The following AIG1 variants were observed in gnomAD, a reference collection of about 807,000 sequenced individuals.
AIG1 encodes the protein androgen induced 1, also known as androgen-induced gene 1 protein.
AIG1 carries 23 observed loss-of-function variants against 31.4 expected under a neutral mutation model. The ratio of observed to expected loss-of-function variants is 0.73; its 90% CI spans 0.53 to 1.04. AIG1 has a LOEUF of 1.04. AIG1 is among the 50% of genes least tolerant of loss of function. The pLI, the probability that AIG1 is intolerant of heterozygous loss-of-function variation, is 0.00. For missense variants in AIG1, 274 were observed against 295.0 expected (o/e 0.93, Z 0.52); for synonymous variants, 100 against 110.5 (o/e 0.90, Z 0.60).
chr6:143,165,467 G>A (rs903449777), intron 3 of AIG1, among the ~76,000 whole-genome samples: 3 of 152,152 alleles, frequency 2.0e-5, no homozygotes, highest in African/African-American at 7.2e-5. Context: ...CCAATTCTGG[G>A]ATGAATTTAA....
At chr6:143,201,371 C>A (rs1278997418) in intron 3 of AIG1, among the ~76,000 whole-genome samples, 3 of 151,862 alleles carry the variant, frequency 2.0e-5, no homozygotes, top group Admixed American at 6.6e-5. Context: ...AAAAAAAAAT[C>A]TTAAAAATTA....
At chr6:143,101,725 G>A (rs934472200) in intron 1 of AIG1, among the ~76,000 whole-genome samples, 2 of 151,862 alleles carry the variant, frequency 1.3e-5, no homozygotes, top group African/African-American at 4.8e-5. Flanking sequence ...TCAGGTTATG[G>A]GTGCACCAAA....
intron 2 of AIG1, among the ~76,000 whole-genome samples, chr6:143,154,451 T>A (rs750040462): frequency 9.2e-5 from 14 of 151,812 alleles, no homozygotes; most frequent in Non-Finnish European, 1.9e-4. Context: ...GTGGGGAGGG[T>A]GTGACTATCA....
At chr6:143,115,653 A>G (rs189073362) in intron 1 of AIG1, among the ~76,000 whole-genome samples, 1 of 152,334 alleles carries the variant, frequency 6.6e-6, no homozygotes, top group East Asian at 1.9e-4. Context: ...TACGTATACT[A>G]TAGGACTTTT....
intron 1 of AIG1, among the ~76,000 whole-genome samples, chr6:143,081,050 C>T (rs1334507492): frequency 6.6e-6 from 1 of 152,144 alleles, no homozygotes; most frequent in African/African-American, 2.4e-5. Flanking sequence ...CTCAGTCAAG[C>T]ACAAGGTCAT....
At chr6:143,107,359 G>A (rs995165713) in intron 1 of AIG1, among the ~76,000 whole-genome samples, 1 of 152,044 alleles carries the variant, frequency 6.6e-6, no homozygotes, top group African/African-American at 2.4e-5. Flanking sequence ...GAATATAAGT[G>A]GACAATTTAT....
At chr6:143,107,974 A>G (rs1361203910) in intron 1 of AIG1, among the ~76,000 whole-genome samples, 2 of 152,128 alleles carry the variant, frequency 1.3e-5, no homozygotes, top group African/African-American at 4.8e-5. Context: ...CTGGAAACTG[A>G]TTTGCTTGAT....
chr6:143,202,308 TA>T (rs765928125), intron 3 of AIG1, among the ~76,000 whole-genome samples: 2 of 152,136 alleles, frequency 1.3e-5, no homozygotes, highest in African/African-American at 2.4e-5. Flanking sequence ...ATTCCTTTTT[TA>T]CTTCATGTCC....
intron 3 of AIG1, among the ~76,000 whole-genome samples, chr6:143,197,667 T>A (rs929892599): frequency 6.6e-6 from 1 of 152,184 alleles, no homozygotes; most frequent in Non-Finnish European, 1.5e-5. Flanking sequence ...CTCCCACAGA[T>A]CCTCTAGTCC....
chr6:143,242,124 G>C (rs1425877046), intron 3 of AIG1, among the ~76,000 whole-genome samples: 1 of 152,154 alleles, frequency 6.6e-6, no homozygotes, highest in Non-Finnish European at 1.5e-5. Flanking sequence ...GTAGGGAGAA[G>C]GGCTTAGAAT....
In AIG1 at chr6:143,327,249, T is replaced by G. The variant is rs549879591; in HGVS notation, c.516-6033T>G. ...AATGGATTGGACAATCGCTACACTC[T>G]TCCTTTCCAACTTGGGCCTGGCAGA... On this transcript the variant is annotated intron_variant, in intron 4 of 5. Coordinates refer to ENST00000357847, the MANE Select transcript of AIG1 (RefSeq NM_016108.4). The surrounding 1 kb of genome is among the most constrained non-coding windows in gnomAD (Gnocchi z 5.3). The G allele has an allele frequency of 1.4e-5, 3 of 209,042 alleles. No homozygotes were observed. In the South Asian group the frequency reaches 2.4e-4, roughly 17 times the overall value. The allele number at this position is 209,042 out of a possible 1,614,324, so 12.9% of individuals were successfully genotyped here. A position where few individuals can be genotyped will look rare whatever the true frequency, so the allele number is the denominator to read the frequency against.
chr6:143,155,950 A>G (rs979435939), intron 2 of AIG1, among the ~76,000 whole-genome samples: 1 of 152,176 alleles, frequency 6.6e-6, no homozygotes, highest in Non-Finnish European at 1.5e-5. Flanking sequence ...GTTAAAGAGA[A>G]CTGAAACCAG....
chr6:143,100,196 G>A (rs1173596776), intron 1 of AIG1, among the ~76,000 whole-genome samples: 1 of 152,160 alleles, frequency 6.6e-6, no homozygotes, highest in Admixed American at 6.5e-5. Context: ...TTCTTCCAAT[G>A]TCAGTGTTTC....
intron 1 of AIG1, among the ~76,000 whole-genome samples, chr6:143,072,665 C>A (rs1274767968): frequency 6.6e-6 from 1 of 151,966 alleles, no homozygotes; most frequent in African/African-American, 2.4e-5. Context: ...AAAAAAACTA[C>A]AAATGGATGT....
intron 1 of AIG1, among the ~76,000 whole-genome samples, chr6:143,091,285 A>G (rs972713889): frequency 1.3e-5 from 2 of 152,162 alleles, no homozygotes; most frequent in African/African-American, 4.8e-5. Flanking sequence ...TAATGTTGAC[A>G]TTTTGACTTC....
intron 2 of AIG1, among the ~76,000 whole-genome samples, chr6:143,149,753 G>GA (rs1466059109): frequency 3.3e-5 from 5 of 152,126 alleles, no homozygotes; most frequent in Non-Finnish European, 7.4e-5. Flanking sequence ...GACAAGAAAA[G>GA]AAAATCTTTC....
At chr6:143,183,843 G>A (rs566698840) in intron 3 of AIG1, among the ~76,000 whole-genome samples, 1 of 152,168 alleles carries the variant, frequency 6.6e-6, no homozygotes, top group Non-Finnish European at 1.5e-5. Context: ...GTGGAAGGCA[G>A]GAAGGTACTG....
At chr6:143,174,083 A>G (rs1318769849) in intron 3 of AIG1, among the ~76,000 whole-genome samples, 1 of 152,162 alleles carries the variant, frequency 6.6e-6, no homozygotes. Flanking sequence ...TTAGATACAT[A>G]TATATTTAGG....
chr6:143,061,644 G>C (rs1178987102), intron 1 of AIG1: 2 of 262,952 alleles, frequency 7.6e-6, no homozygotes, highest in African/African-American at 2.2e-5. Flanking sequence ...CCTTTACCCC[G>C]TACATATTAG....
Sources: allele counts gnomAD v4.1 joint callset (sites outside exome capture counted in the v4.1 genomes callset), GRCh38; gene constraint gnomAD v4.1.1; non-coding constraint Gnocchi (gnomAD v3.1); transcripts MANE v1.5; gene names NCBI Gene and HGNC (gene_info 2026-07-23, HGNC 2026-07-21).